The following RANBP2 variants were observed in gnomAD, a reference collection of about 807,000 sequenced individuals.
RANBP2 encodes E3 SUMO-protein ligase RanBP2.
A neutral mutation model predicts 303.6 loss-of-function variants in RANBP2; 57 were observed. The observed-to-expected ratio is 0.19, with a 90% CI of 0.15 to 0.23. The LOEUF (loss-of-function observed/expected upper bound fraction) is 0.23, where lower values mean the gene tolerates loss of function less well. Among genes scored for constraint, RANBP2 ranks in the 10% least tolerant of loss-of-function variants. The pLI is 1.00. For missense variants in RANBP2, 3,138 were observed against 3,780.8 expected, an observed-to-expected ratio of 0.83 and a Z score of 4.46; for synonymous variants, 1,167 against 1,301.5, an observed-to-expected ratio of 0.90 and a Z score of 2.23.
At chr2:109,666,869 A>T in the RANBP2 span, among the ~76,000 whole-genome samples, 1 of 152,222 alleles carries the variant, frequency 6.6e-6, no homozygotes, top group Non-Finnish European at 1.5e-5. Flanking sequence ...TCATAGTTTT[A>T]TACCATAGAA....
the RANBP2 span, among the ~76,000 whole-genome samples, chr2:108,823,411 A>G: frequency 6.6e-6 from 1 of 152,254 alleles, no homozygotes; most frequent in Non-Finnish European, 1.5e-5. Flanking sequence ...TGAATTCAAC[A>G]GTACAGTCAT....
the RANBP2 span, among the ~76,000 whole-genome samples, chr2:109,291,816 C>T: frequency 1.3e-5 from 2 of 152,194 alleles, no homozygotes; most frequent in African/African-American, 4.8e-5. Context: ...CAAGGAGCAG[C>T]TCCAAACTGA....
At chr2:108,965,478 A>AG in the RANBP2 span, among the ~76,000 whole-genome samples, 7 of 151,602 alleles carry the variant, frequency 4.6e-5, no homozygotes, top group African/African-American at 1.7e-4. Flanking sequence ...AAAAAAAAAA[A>AG]AGATAATAAA....
At chr2:109,499,762 T>G in the RANBP2 span, among the ~76,000 whole-genome samples, 3 of 151,764 alleles carry the variant, frequency 2.0e-5, no homozygotes, top group East Asian at 1.9e-4. Flanking sequence ...AGCAGGGGGG[T>G]GTGTGTGTAT....
chr2:109,648,919 C>T, the RANBP2 span, among the ~76,000 whole-genome samples: 35 of 152,050 alleles, frequency 2.3e-4, no homozygotes, highest in African/African-American at 6.3e-4. Flanking sequence ...CCCAAAGTGC[C>T]GGGAGTGTGG....
At chr2:108,733,960 A>G (rs1695370973) in intron 4 of RANBP2, among the ~76,000 whole-genome samples, 1 of 151,930 alleles carries the variant, frequency 6.6e-6, no homozygotes, top group African/African-American at 2.4e-5. Context: ...CATTTGTTTA[A>G]TGAATGAGAG....
chr2:109,033,946 C>T, the RANBP2 span, among the ~76,000 whole-genome samples: 1 of 142,678 alleles, frequency 7.0e-6, no homozygotes, highest in Non-Finnish European at 1.5e-5. Context: ...CAGAGGGAGA[C>T]CCTGACTCCA....
the RANBP2 span, among the ~76,000 whole-genome samples, chr2:109,426,054 C>A: frequency 4.5e-4 from 68 of 152,270 alleles, 1 homozygote; most frequent in African/African-American, 1.4e-3. Context: ...CATGCCACCA[C>A]GCCCAGCTAA....
At chr2:109,386,949 CT>C in the RANBP2 span, among the ~76,000 whole-genome samples, 1 of 152,126 alleles carries the variant, frequency 6.6e-6, no homozygotes. Context: ...GCCTAATCTG[CT>C]TTTTTGTTTC....
intron 15 of RANBP2, 49 bp from the exon 16 acceptor site, chr2:108,754,856 T>A: frequency 6.2e-7 from 1 of 1,608,284 alleles, no homozygotes; most frequent in Non-Finnish European, 8.5e-7. Context: ...TTTTTACTTT[T>A]GGAATTTTTT....
chr2:109,256,022 T>C, the RANBP2 span, among the ~76,000 whole-genome samples: 16 of 152,334 alleles, frequency 1.1e-4, no homozygotes, highest in East Asian at 3.1e-3. Context: ...ATGTACATAC[T>C]CTCTTACTGT....
At chr2:109,352,780 T>A in the RANBP2 span, among the ~76,000 whole-genome samples, 4 of 152,202 alleles carry the variant, frequency 2.6e-5, no homozygotes, top group Non-Finnish European at 5.9e-5. Context: ...GAGGCTCAAC[T>A]CGCAGGGCAC....
the RANBP2 span, among the ~76,000 whole-genome samples, chr2:109,575,170 T>C: frequency 6.6e-6 from 1 of 152,222 alleles, no homozygotes; most frequent in Non-Finnish European, 1.5e-5. Context: ...GTCATTCACA[T>C]GCTGGGTCCC....
the RANBP2 span, among the ~76,000 whole-genome samples, chr2:109,541,114 G>A: frequency 6.6e-6 from 1 of 152,158 alleles, no homozygotes; most frequent in Non-Finnish European, 1.5e-5. Context: ...TAGCCTGGAA[G>A]TTACACACAT....
the RANBP2 span, among the ~76,000 whole-genome samples, chr2:109,565,420 A>T: frequency 6.6e-6 from 1 of 152,302 alleles, no homozygotes; most frequent in South Asian, 2.1e-4. Context: ...ATCAGTAAAA[A>T]TATATAAATT....
the RANBP2 span, among the ~76,000 whole-genome samples, chr2:109,760,529 G>A: frequency 7.1e-6 from 1 of 140,460 alleles, no homozygotes; most frequent in Non-Finnish European, 1.6e-5. Context: ...TGCGCCGGCC[G>A]CTGCAGCCAG....
chr2:109,338,876 A>T, the RANBP2 span, among the ~76,000 whole-genome samples: 1 of 152,128 alleles, frequency 6.6e-6, no homozygotes, highest in East Asian at 1.9e-4. Context: ...CTCAAACTCA[A>T]CTCCTAAGAG....
chr2:108,754,183 T>C (rs1255724201), intron 15 of RANBP2, among the ~76,000 whole-genome samples: 1 of 152,090 alleles, frequency 6.6e-6, no homozygotes, highest in Non-Finnish European at 1.5e-5. Flanking sequence ...GTATATGCTC[T>C]TAAAAAGTAC....
the RANBP2 span, among the ~76,000 whole-genome samples, chr2:108,872,708 C>T: frequency 6.6e-6 from 1 of 152,040 alleles, no homozygotes; most frequent in Non-Finnish European, 1.5e-5. Flanking sequence ...GGCGGTGGAG[C>T]CTCATGGCCT....
Sources: gnomAD v4.1 joint callset for allele counts (sites outside exome capture counted in the v4.1 genomes callset) on GRCh38, gnomAD v4.1.1 for gene constraint, MANE v1.5 for transcripts, NCBI Gene and HGNC (gene_info 2026-07-23, HGNC 2026-07-21) for gene names.